AKAP6: variants seen among roughly 807,000 people sequenced by gnomAD.
AKAP6 encodes A-kinase anchoring protein 6.
AKAP6 carries 58 observed loss-of-function variants against 188.5 expected under a neutral mutation model. That is an observed-to-expected ratio of 0.31 (90% CI 0.25 to 0.38). AKAP6 has a LOEUF of 0.38. Among genes scored for constraint, AKAP6 ranks in the 10% least tolerant of loss-of-function variants. AKAP6 has a pLI of 1.00. For missense variants in AKAP6, 2,710 were observed against 2,740.0 expected, an observed-to-expected ratio of 0.99 and a Z score of 0.24; for synonymous variants, 989 against 998.6, an observed-to-expected ratio of 0.99 and a Z score of 0.18.
At chr14:32,602,098 G>A (rs1885949196) in intron 7 of AKAP6, among the ~76,000 whole-genome samples, 1 of 152,168 alleles carries the variant, frequency 6.6e-6, no homozygotes, top group Non-Finnish European at 1.5e-5. Flanking sequence ...TAATAATGTA[G>A]AGTGGAGACT....
At chr14:32,529,718 C>T (rs975392071) in intron 2 of AKAP6, among the ~76,000 whole-genome samples, 11 of 152,098 alleles carry the variant, frequency 7.2e-5, no homozygotes, top group African/African-American at 2.2e-4. Context: ...GGAAATCTAT[C>T]ACTCTGTTTT....
At chr14:32,519,796 A>T (rs942272611) in intron 2 of AKAP6, among the ~76,000 whole-genome samples, 4 of 152,176 alleles carry the variant, frequency 2.6e-5, no homozygotes, top group African/African-American at 4.8e-5. Flanking sequence ...ACGAGACAGA[A>T]AGTTAACAAG....
intron 8 of AKAP6, among the ~76,000 whole-genome samples, chr14:32,690,669 A>C (rs1019455939): frequency 3.9e-5 from 6 of 152,126 alleles, no homozygotes; most frequent in Non-Finnish European, 8.8e-5. Flanking sequence ...ACTAAAGAAA[A>C]ATTTCGCACA....
chr14:32,811,974 C>T (rs980253943), intron 12 of AKAP6, among the ~76,000 whole-genome samples: 2 of 152,108 alleles, frequency 1.3e-5, no homozygotes, highest in Non-Finnish European at 2.9e-5. Flanking sequence ...TACCAATATG[C>T]ATTGTAGGTT....
At chr14:32,610,783 G>C (rs1438432883) in intron 7 of AKAP6, among the ~76,000 whole-genome samples, 1 of 152,192 alleles carries the variant, frequency 6.6e-6, no homozygotes, top group Non-Finnish European at 1.5e-5. Context: ...AAAGTGAACA[G>C]TGAATAGTTT....
intron 5 of AKAP6, among the ~76,000 whole-genome samples, chr14:32,594,694 G>A (rs4981990): frequency 0.096 from 14,605 of 152,256 alleles, 991 homozygotes; most frequent in Admixed American, 0.19. Flanking sequence ...GCCTGAGGCA[G>A]ATAGCAGGTG....
rs117527094 is a variant in AKAP6, at chr14:32,785,504, A to G, written c.3588+11611A>G. Among the ~76,000 whole-genome samples the G allele has an allele frequency of 8.5e-4, 129 of 152,308 alleles. 1 individual carries two copies. The East Asian group carries it at 0.022, about 26-fold the overall frequency. On this transcript the variant is annotated intron_variant, in intron 12 of 13. Coordinates refer to ENST00000280979, the MANE Select transcript of AKAP6 (RefSeq NM_004274.5). Reference sequence around the variant, plus strand: ...TTAAAATATTACCAAAAGTAATAGAATGAGTTCTATGTAAAACTCTCTTGA... The same window carrying G: ...TTAAAATATTACCAAAAGTAATAGAGTGAGTTCTATGTAAAACTCTCTTGA...
At chr14:32,379,654 TC>T in intron 1 of AKAP6, among the ~76,000 whole-genome samples, 1 of 152,166 alleles carries the variant, frequency 6.6e-6, no homozygotes, top group East Asian at 1.9e-4. Context: ...TAGACTTTGG[TC>T]ATAGGCTTGA....
intron 3 of AKAP6, among the ~76,000 whole-genome samples, chr14:32,541,456 T>G (rs947368686): frequency 2.0e-5 from 3 of 152,112 alleles, no homozygotes; most frequent in Non-Finnish European, 4.4e-5. Context: ...CCAAATATAT[T>G]TGCAAGACTA....
chr14:32,384,321 A>C (rs528579758), intron 1 of AKAP6, among the ~76,000 whole-genome samples: 1 of 152,210 alleles, frequency 6.6e-6, no homozygotes, highest in Non-Finnish European at 1.5e-5. Flanking sequence ...TGTGTCTTAC[A>C]TTGCCCTAAT....
intron 13 of AKAP6, among the ~76,000 whole-genome samples, chr14:32,828,773 T>A (rs2140166180): frequency 6.6e-6 from 1 of 152,344 alleles, no homozygotes; most frequent in African/African-American, 2.4e-5. Context: ...CTGGGCTTTC[T>A]TGTGTTACTG....
chr14:32,438,312 C>G (rs538246239), intron 2 of AKAP6, among the ~76,000 whole-genome samples: 1 of 152,134 alleles, frequency 6.6e-6, no homozygotes, highest in Non-Finnish European at 1.5e-5. Flanking sequence ...TCTCACATCC[C>G]CCTTTTTGTT....
chr14:32,584,027 G>A (rs929462392), intron 5 of AKAP6, among the ~76,000 whole-genome samples: 2 of 152,180 alleles, frequency 1.3e-5, no homozygotes, highest in African/African-American at 2.4e-5. Flanking sequence ...AGATGAACCC[G>A]GTGCCTCAGA....
At chr14:32,610,309 T>G (rs944769123) in intron 7 of AKAP6, among the ~76,000 whole-genome samples, 7 of 152,226 alleles carry the variant, frequency 4.6e-5, no homozygotes, top group Non-Finnish European at 1.0e-4. Context: ...TGTCAATGTT[T>G]TATTTCTTAA....
intron 11 of AKAP6, among the ~76,000 whole-genome samples, chr14:32,773,017 C>T (rs8011188): frequency 0.026 from 3,950 of 152,216 alleles, 173 homozygotes; most frequent in African/African-American, 0.089. Context: ...ATTTTGGTGC[C>T]GGCATGTCCT....
chr14:32,489,680 C>T (rs1195147533), intron 2 of AKAP6, among the ~76,000 whole-genome samples: 2 of 152,226 alleles, frequency 1.3e-5, no homozygotes, highest in African/African-American at 4.8e-5. Flanking sequence ...GTGGAATACC[C>T]TGTGGCCCTT....
At chr14:32,424,567 T>C (rs1443079468) in intron 1 of AKAP6, among the ~76,000 whole-genome samples, 2 of 152,170 alleles carry the variant, frequency 1.3e-5, no homozygotes, top group Non-Finnish European at 2.9e-5. Flanking sequence ...ATTTGTGTCA[T>C]TGGGGTTTGT....
At chr14:32,582,125 G>A (rs1220862152) in intron 5 of AKAP6, among the ~76,000 whole-genome samples, 1 of 151,740 alleles carries the variant, frequency 6.6e-6, no homozygotes, top group Non-Finnish European at 1.5e-5. Context: ...TTTTGCAGTG[G>A]CTGGTACCGG....
At chr14:32,667,111 T>C (rs1011591066) in intron 7 of AKAP6, among the ~76,000 whole-genome samples, 1 of 152,120 alleles carries the variant, frequency 6.6e-6, no homozygotes, top group African/African-American at 2.4e-5. Flanking sequence ...TTGAGGGTAA[T>C]ACTGAAATTT....
Sources: gnomAD v4.1 joint callset for allele counts (sites outside exome capture counted in the v4.1 genomes callset) on GRCh38, gnomAD v4.1.1 for gene constraint, MANE v1.5 for transcripts, NCBI Gene and HGNC (gene_info 2026-07-23, HGNC 2026-07-21) for gene names.